The following NBPF12 variants were observed in gnomAD, a reference collection of about 807,000 sequenced individuals.
NBPF12 encodes NBPF member 12.
NBPF12 carries 115 observed loss-of-function variants against 146.4 expected under a neutral mutation model. The observed-to-expected ratio is 0.79, with a 90% CI of 0.68 to 0.92. The LOEUF is 0.92. Ranked by LOEUF, NBPF12 falls within the 40% of genes least tolerant of loss-of-function variation. The pLI is 0.00. For missense variants in NBPF12, 1,205 were observed against 1,326.8 expected (o/e 0.91, Z 1.43); for synonymous variants, 385 against 508.9 (o/e 0.76, Z 3.28).
chr1:146,951,105 C>T (rs1655305091), intron 1 of NBPF12, among the ~76,000 whole-genome samples: 2 of 151,982 alleles, frequency 1.3e-5, no homozygotes, highest in Non-Finnish European at 1.5e-5. Context: ...TAACTGGAGA[C>T]AGGCTGATGA....
At chr1:146,966,438 C>G in intron 8 of NBPF12, 26 bp from the exon 12 acceptor site, 6 of 1,327,384 alleles carry the variant, frequency 4.5e-6, no homozygotes, top group East Asian at 2.3e-5. Flanking sequence ...TTTAACCCAT[C>G]ATGTGTTTGC....
Position 146,975,697 on chromosome 1 carries a change from ACT to A in NBPF12, c.1929_1930del (p.Gln644GlyfsTer23), listed in dbSNP as rs1172377543. On this transcript the variant is annotated frameshift_variant, in exon 16 of 34. Transcript: ENST00000617844. LOFTEE classifies it high-confidence loss of function. ...CTTAGGCAATATAAAGTCCTGGTTC[ACT>A]CTCAGGAACGAGAGCTGACCCAGTT... 2.8e-6 allele frequency: 3 copies of A among 1,068,426 alleles called. No individual in the cohort carries two copies. The highest frequency in any genetic ancestry group is 2.9e-6 in the Non-Finnish European group (2 of 698,004). 66.2% of individuals were successfully genotyped at this position (1,068,426 alleles called of 1,614,324 possible).
rs1364065060 is a variant in NBPF12, at chr1:146,965,823, C to A, written c.779-641C>A. On this transcript the variant is annotated intron_variant, in intron 8 of 33. Coordinates refer to ENST00000617844, the Ensembl canonical transcript of NBPF12. The stretch of plus-strand genomic sequence containing the variant: ...AAAAAAAAAAAAAAAAAAAAAAAGT[C>A]TCTGACCAGGGGCGCTGGCTCACAT... Among the ~76,000 whole-genome samples the A allele has an allele frequency of 3.4e-3, 188 of 55,900 alleles. 1 individual carries two copies. Among genetic ancestry groups the A allele is most frequent in the Middle Eastern group, 0.036 (2 of 56 alleles). 36.7% of individuals were successfully genotyped at this position (55,900 alleles called of 152,430 possible). A position where few individuals can be genotyped will look rare whatever the true frequency, so the allele number is the denominator to read the frequency against.
Position 146,962,283 on chromosome 1 carries a change from G to A in NBPF12, c.278+20G>A, listed in dbSNP as rs1232764717. ...GCTCAGGTGAGGGGACCCCATGGGG[G>A]GAGGCAGGCGGGTAGGTGTGTAGAT... is the stretch of plus-strand genomic sequence containing the variant. On this transcript the variant is annotated intron_variant, in intron 5 of 33. Coordinates refer to ENST00000617844, the Ensembl canonical transcript of NBPF12. The A allele has an allele frequency of 3.8e-6, 6 of 1,589,214 alleles. No individual in the cohort carries two copies. The highest frequency in any genetic ancestry group is 2.2e-5 in the East Asian group (1 of 44,814).
rs1158897080 is a variant in NBPF12 at position 146,966,514 on chromosome 1, G to A, written c.829G>A (p.Gly277Ser). 3.9e-5 allele frequency: 57 copies of A among 1,477,174 alleles called. 1 individual carries two copies. The highest frequency in any genetic ancestry group is 2.4e-4 in the African/African-American group (17 of 70,832). 91.5% of individuals were successfully genotyped at this position (1,477,174 alleles called of 1,614,324 possible). ...AAACGTCAGCATGGTGGTATCAGCC[G>A]GCCCTTTGTCCAGCGAGAAGGCAGA... The change falls in exon 9 of 34, where the codon GGC (glycine) becomes AGC (serine). Residue 277 changes from glycine to serine, a missense_variant. Around this residue, in one of 16 missense-constraint regions of NBPF12, gnomAD observed 325 missense variants for 236.6 expected, o/e 1.37. Transcript: ENST00000617844.
rs1183344325 is a variant in NBPF12 at position 146,971,923 on chromosome 1, CAAAAAA to C, written c.1591+539_1591+544del. On this transcript the variant is annotated intron_variant, in intron 13 of 33. Transcript: ENST00000617844. ...TGAAACCCCATCTTTACTAAAAATACAAAAAAAAAAAAAAATTAGCTGGGCGCGGTG... is the reference window on the plus strand; with the variant it reads ...TGAAACCCCATCTTTACTAAAAATACAAAAAAAAATTAGCTGGGCGCGGTG... 1.4e-3 allele frequency among the ~76,000 whole-genome samples: 193 copies of C among 138,598 alleles called. 8 individuals carry two copies. Among genetic ancestry groups the C allele is most frequent in the Admixed American group, 0.013 (183 of 14,138 alleles). The allele number at this position is 138,598 out of a possible 152,430, so 90.9% of individuals were successfully genotyped here.
chr1:146,971,147 A>C lies in NBPF12; in HGVS notation c.1380-36A>C. The C allele has an allele frequency of 1.9e-6, 3 of 1,610,330 alleles. No individual in the cohort carries two copies. In the South Asian group the frequency reaches 3.3e-5, roughly 18 times the overall value. On this transcript the variant is annotated intron_variant, in intron 12 of 33. Coordinates refer to ENST00000617844, the Ensembl canonical transcript of NBPF12. The stretch of plus-strand genomic sequence containing the variant: ...CTTGGGGTCCAATCCCTCTGTGTTT[A>C]ATCTTCTGTCATCTCTGTCCCACCT...
At chr1:146,946,161 C>G (rs1655054250), upstream of NBPF12, among the ~76,000 whole-genome samples, 1 of 151,378 alleles carries the variant, frequency 6.6e-6, no homozygotes. Flanking sequence ...TGTATGGCTA[C>G]AACACAGTTT....
chr1:146,963,184 T>C (rs1655971914), exon 6 of NBPF12: 1 of 1,601,710 alleles, frequency 6.2e-7, no homozygotes, highest in Non-Finnish European at 8.5e-7. Flanking sequence ...TCCCGCTCAT[T>C]GAATGAGCAT....
intron 13 of NBPF12, among the ~76,000 whole-genome samples, chr1:146,972,119 G>T (rs1238201399): frequency 6.7e-6 from 1 of 149,410 alleles, no homozygotes; most frequent in Non-Finnish European, 1.5e-5. Context: ...TCTCTGACCA[G>T]GGGCGCTGGC....
intron 7 of NBPF12, 126 bp downstream of exon 10, chr1:146,964,555 C>G (rs1553885275): frequency 7.3e-6 from 11 of 1,506,658 alleles, no homozygotes; most frequent in Middle Eastern, 2.3e-4. Context: ...ATGTGAAATT[C>G]AACCCAGCTT....
At chr1:146,995,361 T>C (rs1658480199) in exon 34 of NBPF12, 1 of 134,770 alleles carries the variant, frequency 7.4e-6, no homozygotes, top group Non-Finnish European at 1.5e-5. Context: ...ACCAGACAAC[T>C]GCAGAATGTA....
chr1:146,947,634 C>T (rs1553883481), upstream of NBPF12, among the ~76,000 whole-genome samples: 22,631 of 114,342 alleles, frequency 0.2, 3,127 homozygotes, highest in South Asian at 0.39. Context: ...TCCCAAATTC[C>T]CTTGAACCTG....
chr1:146,980,930 C>G (rs1422553885), intron 19 of NBPF12, among the ~76,000 whole-genome samples: 1 of 131,352 alleles, frequency 7.6e-6, no homozygotes, highest in South Asian at 2.8e-4. Context: ...CACATATACA[C>G]CATGGAATAC....
At chr1:146,964,536 G>C in intron 7 of NBPF12, 107 bp downstream of exon 10, 1 of 1,559,496 alleles carries the variant, frequency 6.4e-7, no homozygotes, top group Non-Finnish European at 8.8e-7. Context: ...GCATTCCCTT[G>C]GCCACAGTAT....
intron 7 of NBPF12, 63 bp from the exon 11 acceptor site, chr1:146,964,830 T>C (rs1423614149): frequency 5.6e-6 from 9 of 1,594,770 alleles, no homozygotes; most frequent in South Asian, 3.3e-5. Flanking sequence ...CAGCTAGGAC[T>C]CCCTGGGGTC....
intron 8 of NBPF12, 128 bp from the exon 12 acceptor site, chr1:146,966,336 G>T (rs1441155594): frequency 1.1e-6 from 1 of 876,960 alleles, no homozygotes; most frequent in Non-Finnish European, 1.9e-6. Context: ...GATGACAAGA[G>T]TGAAACCAGG....
chr1:146,962,759 C>A (rs1333172999), intron 5 of NBPF12, among the ~76,000 whole-genome samples: 2 of 148,608 alleles, frequency 1.3e-5, no homozygotes, highest in Non-Finnish European at 3.0e-5. Flanking sequence ...GCAAGATGCA[C>A]TATGTGTATT....
chr1:146,945,505 C>T (rs1223446465), upstream of NBPF12, among the ~76,000 whole-genome samples: 2 of 151,942 alleles, frequency 1.3e-5, no homozygotes, highest in African/African-American at 4.8e-5. Context: ...ATGGCATAGG[C>T]GTTGAAATCT....
Sources: allele counts gnomAD v4.1 joint callset (sites outside exome capture counted in the v4.1 genomes callset), GRCh38; gene constraint gnomAD v4.1.1; regional missense constraint gnomAD v4.1.1; transcripts MANE v1.5; gene names NCBI Gene and HGNC (gene_info 2026-07-23, HGNC 2026-07-21).